Variants in MAP4K3 observed in about 807,000 individuals in gnomAD.
The protein encoded by MAP4K3 is MAPK/ERK kinase kinase kinase 3.
Under a neutral mutation model 143.5 loss-of-function variants are expected in MAP4K3, and 94 were observed. The ratio of observed to expected loss-of-function variants is 0.65; its 90% CI spans 0.55 to 0.78. MAP4K3 has a LOEUF of 0.78. Among genes scored for constraint, MAP4K3 ranks in the 30% least tolerant of loss-of-function variants. The pLI, the probability that MAP4K3 is intolerant of heterozygous loss-of-function variation, is 0.00. For missense variants in MAP4K3, 1,077 were observed against 1,068.1 expected, an observed-to-expected ratio of 1.01 and a Z score of -0.12; for synonymous variants, 416 against 347.2, an observed-to-expected ratio of 1.20 and a Z score of -2.20.
chr2:39,269,030 C>T (rs571425721), intron 26 of MAP4K3, among the ~76,000 whole-genome samples: 1 of 152,138 alleles, frequency 6.6e-6, no homozygotes, highest in Admixed American at 6.5e-5. Flanking sequence ...TCCTTAAGTG[C>T]TGGGATTACA....
intron 24 of MAP4K3, among the ~76,000 whole-genome samples, chr2:39,274,034 A>G (rs1453556433): frequency 6.6e-6 from 1 of 152,192 alleles, no homozygotes; most frequent in Non-Finnish European, 1.5e-5. Flanking sequence ...TACTACATCG[A>G]TGGTTTACTA....
At chr2:39,282,845 T>A (rs965242574) in intron 21 of MAP4K3, among the ~76,000 whole-genome samples, 1 of 152,240 alleles carries the variant, frequency 6.6e-6, no homozygotes, top group African/African-American at 2.4e-5. Context: ...TGTAAATACA[T>A]GTTCCCATAG....
At chr2:39,274,710 G>A (rs58506888) in intron 24 of MAP4K3, among the ~76,000 whole-genome samples, 1 of 152,212 alleles carries the variant, frequency 6.6e-6, no homozygotes, top group Admixed American at 6.5e-5. Context: ...GTGTGATCTT[G>A]GGTAATTTAC....
chr2:39,256,625 C>A (rs1680351505), intron 31 of MAP4K3, among the ~76,000 whole-genome samples: 2 of 152,076 alleles, frequency 1.3e-5, no homozygotes, highest in African/African-American at 2.4e-5. Flanking sequence ...ATTCTATTTG[C>A]TAATATTTTA....
chr2:39,313,504 TTC>T lies in MAP4K3; in HGVS notation c.997+1804_997+1805del, dbSNP rs756573076. Among the ~76,000 whole-genome samples the T allele has an allele frequency of 1.1e-4, 17 of 151,948 alleles. 1 individual carries two copies. In the South Asian group the frequency reaches 2.5e-3, roughly 22 times the overall value. ...CTTTTTCTTTTCTTTTCTTTCTTCTTTCTCTCTCTCTTCTCTCTCTCTCTTTC... is the reference window on the plus strand; with the variant it reads ...CTTTTTCTTTTCTTTTCTTTCTTCTTTCTCTCTCTTCTCTCTCTCTCTTTC... On this transcript the variant is annotated intron_variant, in intron 13 of 33. Transcript: ENST00000263881.
chr2:39,322,087 G>A (rs1193372556), intron 12 of MAP4K3, among the ~76,000 whole-genome samples: 2 of 152,000 alleles, frequency 1.3e-5, no homozygotes, highest in Non-Finnish European at 2.9e-5. Flanking sequence ...TCCACCTAAC[G>A]AGAAACACCC....
chr2:39,299,962 A>T (rs1047399437), intron 15 of MAP4K3, 161 bp from the exon 16 acceptor site: 1 of 357,122 alleles, frequency 2.8e-6, no homozygotes, highest in Admixed American at 4.7e-5. Flanking sequence ...ACGAGTTCAT[A>T]GTCCTGATTT....
At chr2:39,351,463 C>T (rs1665455448) in intron 3 of MAP4K3, among the ~76,000 whole-genome samples, 1 of 152,172 alleles carries the variant, frequency 6.6e-6, no homozygotes, top group South Asian at 2.1e-4. Context: ...CGATTATTTG[C>T]TCATGCCTAC....
At chr2:39,373,014 G>C (rs1307542091) in intron 2 of MAP4K3, among the ~76,000 whole-genome samples, 1 of 152,074 alleles carries the variant, frequency 6.6e-6, no homozygotes, top group Admixed American at 6.5e-5. Flanking sequence ...CCCATGAATG[G>C]CAGAAAATAT....
intron 3 of MAP4K3, among the ~76,000 whole-genome samples, chr2:39,348,686 T>C (rs1295386337): frequency 1.3e-5 from 2 of 152,190 alleles, no homozygotes; most frequent in Admixed American, 6.5e-5. Context: ...ATTAACATCC[T>C]GATTCAACAA....
intron 19 of MAP4K3, 78 bp from the exon 20 acceptor site, chr2:39,288,358 A>G: frequency 7.5e-7 from 1 of 1,329,870 alleles, no homozygotes; most frequent in Non-Finnish European, 1.1e-6. Flanking sequence ...ATACATTAAA[A>G]GCTTTCAAAT....
intron 15 of MAP4K3, among the ~76,000 whole-genome samples, chr2:39,300,431 G>C (rs1185690654): frequency 6.6e-6 from 1 of 152,180 alleles, no homozygotes; most frequent in Non-Finnish European, 1.5e-5. Flanking sequence ...GTGGGTTATA[G>C]AGTGTTAAGA....
chr2:39,372,620 C>T (rs1449041544), intron 2 of MAP4K3, among the ~76,000 whole-genome samples: 1 of 151,970 alleles, frequency 6.6e-6, no homozygotes, highest in Non-Finnish European at 1.5e-5. Flanking sequence ...ATGGAGAACC[C>T]AGAAATAAAT....
intron 31 of MAP4K3, among the ~76,000 whole-genome samples, chr2:39,257,796 C>CA (rs1285158564): frequency 0.21 from 12,469 of 59,244 alleles, 1,307 homozygotes; most frequent in African/African-American, 0.38. Context: ...CACTCCATCT[C>CA]AAAAAAAAAA....
intron 1 of MAP4K3, among the ~76,000 whole-genome samples, chr2:39,436,111 A>G (rs1353962467): frequency 1.3e-5 from 2 of 152,186 alleles, no homozygotes; most frequent in African/African-American, 4.8e-5. Flanking sequence ...TGTGAGGCCA[A>G]GAGTTGAGTT....
At chr2:39,290,104 A>G (rs1463688723) in intron 19 of MAP4K3, among the ~76,000 whole-genome samples, 188 bp downstream of exon 19, 6 of 148,862 alleles carry the variant, frequency 4.0e-5, no homozygotes, top group African/African-American at 1.5e-4. Flanking sequence ...AAAAAAAAAA[A>G]AAAGAACACT....
rs536330156 is a variant in MAP4K3 at position 39,330,209 on chromosome 2, A to T, written c.530+1708T>A. 2.0e-4 allele frequency among the ~76,000 whole-genome samples: 30 copies of T among 152,244 alleles called. No homozygotes were observed. The East Asian group carries it at 2.5e-3, about 13-fold the overall frequency. On this transcript the variant is annotated intron_variant, in intron 8 of 33. Coordinates refer to ENST00000263881, the MANE Select transcript of MAP4K3 (RefSeq NM_003618.4). ...ATAAAAGTAAAAACAATAAAAAAAT[A>T]TTTTTTGAGGTATATAATTATGGAA... is the stretch of plus-strand genomic sequence containing the variant.
intron 3 of MAP4K3, among the ~76,000 whole-genome samples, chr2:39,354,872 G>A (rs945265366): frequency 6.6e-6 from 1 of 152,176 alleles, no homozygotes; most frequent in African/African-American, 2.4e-5. Context: ...TGGATCATAT[G>A]AAAATGGGAA....
chr2:39,350,363 T>G (rs1225752865), intron 3 of MAP4K3, among the ~76,000 whole-genome samples: 1 of 152,208 alleles, frequency 6.6e-6, no homozygotes, highest in Non-Finnish European at 1.5e-5. Context: ...ATGGCTGCGT[T>G]AAGATGTAAA....
Sources: allele counts gnomAD v4.1 joint callset (sites outside exome capture counted in the v4.1 genomes callset), GRCh38; gene constraint gnomAD v4.1.1; transcripts MANE v1.5; gene names NCBI Gene and HGNC (gene_info 2026-07-23, HGNC 2026-07-21).